The following HDAC9 variants were observed in gnomAD, a reference collection of about 807,000 sequenced individuals.
HDAC9 encodes histone deacetylase 9.
In HDAC9, 41 loss-of-function variants were observed where a neutral mutation model predicts 139.4. The ratio of observed to expected loss-of-function variants is 0.29; its 90% CI spans 0.23 to 0.38. The LOEUF (loss-of-function observed/expected upper bound fraction) is 0.38. Among genes scored for constraint, HDAC9 ranks in the 10% least tolerant of loss-of-function variants. The pLI is 1.00. For missense variants in HDAC9, 1,147 were observed against 1,297.0 expected (o/e 0.88, Z 1.78); for synonymous variants, 517 against 476.2 (o/e 1.09, Z -1.12).
At chr7:18,799,105 G>T (rs748209466) in intron 17 of HDAC9, among the ~76,000 whole-genome samples, 1 of 150,742 alleles carries the variant, frequency 6.6e-6, no homozygotes. Context: ...AGAGCCCCTC[G>T]GCAAAGGCTG....
chr7:18,980,253 C>T (rs1204087223), intron 25 of HDAC9, among the ~76,000 whole-genome samples: 1 of 152,058 alleles, frequency 6.6e-6, no homozygotes, highest in African/African-American at 2.4e-5. Context: ...GGGTTCAGTT[C>T]TGTATTATTT....
chr7:18,906,897 T>TAAGCCCTGGA (rs1802307718), intron 22 of HDAC9: 1 of 152,250 alleles, frequency 6.6e-6, no homozygotes, highest in South Asian at 2.1e-4. Flanking sequence ...ATAAGGTTTT[T>TAAGCCCTGGA]AAGCCCTGGA....
At chr7:18,859,811 C>CATATATATATATAT (rs56249427) in intron 21 of HDAC9, among the ~76,000 whole-genome samples, 11 of 44,842 alleles carry the variant, frequency 2.5e-4, no homozygotes, top group South Asian at 8.9e-4. Flanking sequence ...CTAACGCTCT[C>CATATATATATATAT]ATATATATAT....
chr7:18,504,124 T>G (rs1799116274), intron 2 of HDAC9, among the ~76,000 whole-genome samples: 1 of 152,204 alleles, frequency 6.6e-6, no homozygotes, highest in African/African-American at 2.4e-5. Flanking sequence ...CTGTTTTAAC[T>G]TTATTCTTGA....
intron 11 of HDAC9, among the ~76,000 whole-genome samples, chr7:18,660,083 G>A (rs574712845): frequency 2.0e-5 from 3 of 152,050 alleles, no homozygotes; most frequent in Non-Finnish European, 4.4e-5. Context: ...GTAAATAGTC[G>A]GAAATTTACA....
intron 1 of HDAC9, among the ~76,000 whole-genome samples, chr7:18,142,011 G>A (rs1261056628): frequency 6.6e-6 from 1 of 152,010 alleles, no homozygotes; most frequent in Admixed American, 6.6e-5. Context: ...TTAATTTATC[G>A]AATTGACCCT....
upstream of HDAC9, chr7:18,086,842 C>G: frequency 6.7e-6 from 1 of 149,664 alleles, no homozygotes; most frequent in East Asian, 2.0e-4. Flanking sequence ...TCTCCGCGCG[C>G]CGCCGCCCGC....
chr7:18,532,036 G>T (rs1809164879), intron 2 of HDAC9, among the ~76,000 whole-genome samples: 1 of 152,156 alleles, frequency 6.6e-6, no homozygotes, highest in South Asian at 2.1e-4. Flanking sequence ...ATTACCTGAG[G>T]TCAGGAGTTT....
At chr7:18,450,647 G>C (rs540609135) in intron 1 of HDAC9, among the ~76,000 whole-genome samples, 1 of 152,270 alleles carries the variant, frequency 6.6e-6, no homozygotes, top group African/African-American at 2.4e-5. Context: ...CCTATTTCAA[G>C]AGTGCTTCTC....
chr7:18,509,203 C>T (rs1438653503), intron 2 of HDAC9: 4 of 921,534 alleles, frequency 4.3e-6, no homozygotes, highest in African/African-American at 1.8e-5. Context: ...GGTTTTCCCT[C>T]AACATTCCAA....
rs372452212 is a variant in HDAC9, at chr7:18,405,667, GA to G, written c.-41-90585del. ...TTGAATGTGCAGGATTTTCAAGAGA[GA>G]AAAAAAAAATATGCTAGGGAAAGAA... On this transcript the variant is annotated intron_variant, in intron 1 of 3. Transcript: ENST00000413509. 9.0e-3 allele frequency among the ~76,000 whole-genome samples: 1,330 copies of G among 148,118 alleles called. 21 individuals carry two copies. The highest frequency in any genetic ancestry group is 0.024 in the African/African-American group (967 of 40,524).
chr7:18,961,532 G>A (rs1783528736), intron 24 of HDAC9, among the ~76,000 whole-genome samples: 1 of 152,086 alleles, frequency 6.6e-6, no homozygotes, highest in African/African-American at 2.4e-5. Flanking sequence ...TAACAATTTG[G>A]GGAGAAGGCA....
At chr7:18,674,694 T>A (rs1339977153) in intron 12 of HDAC9, among the ~76,000 whole-genome samples, 1 of 152,064 alleles carries the variant, frequency 6.6e-6, no homozygotes, top group Non-Finnish European at 1.5e-5. Context: ...TTTTCTTCCA[T>A]ACTATGATTT....
intron 1 of HDAC9, among the ~76,000 whole-genome samples, chr7:18,357,660 G>A (rs537372891): frequency 1.3e-5 from 2 of 152,288 alleles, no homozygotes; most frequent in African/African-American, 4.8e-5. Flanking sequence ...AGAGAGTTAG[G>A]AAAGAATTTC....
intron 12 of HDAC9, among the ~76,000 whole-genome samples, chr7:18,697,177 G>C (rs1783113282): frequency 6.6e-6 from 1 of 152,146 alleles, no homozygotes; most frequent in Non-Finnish European, 1.5e-5. Context: ...TTCAGCAGTA[G>C]TAAATCTGGA....
At chr7:18,115,128 A>G (rs561292386) in intron 1 of HDAC9, among the ~76,000 whole-genome samples, 25 of 152,246 alleles carry the variant, frequency 1.6e-4, no homozygotes, top group African/African-American at 5.8e-4. Context: ...CATCTCTACT[A>G]AAAATGCAAA....
In HDAC9 at chr7:18,478,600, G is replaced by A. The variant is rs537350868; in HGVS notation, c.-41-17662G>A. Among the ~76,000 whole-genome samples, 12 of 152,308 alleles carry A rather than the reference G, an allele frequency of 7.9e-5. No homozygotes were observed. The South Asian group carries it at 2.1e-3, about 26-fold the overall frequency. On this transcript the variant is annotated intron_variant, in intron 1 of 3. Coordinates refer to the HDAC9 transcript ENST00000413509. ...TTAAATTAAATAGAAAAGAAAAGAG[G>A]AAGATAAATTTAGCCAAGATTCAAT...
rs535469130 is a variant in HDAC9 at position 18,983,820 on chromosome 7, A to C, written c.3170+7867A>C. ...TGGAGTGATATTTCATTGTGGATTC[A>C]GTTTTCCTCCAAAAAGCCATACTCA... On this transcript the variant is annotated intron_variant, in intron 25 of 25. Transcript: ENST00000686413. Among the ~76,000 whole-genome samples, 346 of 152,218 alleles carry C rather than the reference A, an allele frequency of 2.3e-3. 1 individual carries two copies. The highest frequency in any genetic ancestry group is 8.1e-3 in the African/African-American group (336 of 41,544).
At chr7:18,278,979 C>T (rs748676126) in intron 2 of HDAC9, among the ~76,000 whole-genome samples, 7 of 151,948 alleles carry the variant, frequency 4.6e-5, no homozygotes, top group Non-Finnish European at 8.8e-5. Flanking sequence ...CAGATACGGA[C>T]GTTTGGGGAA....
Sources: gnomAD v4.1 joint callset for allele counts (sites outside exome capture counted in the v4.1 genomes callset) on GRCh38, gnomAD v4.1.1 for gene constraint, MANE v1.5 for transcripts, NCBI Gene and HGNC (gene_info 2026-07-23, HGNC 2026-07-21) for gene names.